Variants in OSBP2 observed in about 807,000 individuals in gnomAD.
OSBP2 encodes oxysterol-binding protein 2.
In OSBP2, 66 loss-of-function variants were observed where a neutral mutation model predicts 96.0. The ratio of observed to expected loss-of-function variants is 0.69; its 90% confidence interval spans 0.56 to 0.84. The LOEUF is 0.84. Among genes scored for constraint, OSBP2 ranks in the 40% least tolerant of loss-of-function variants. OSBP2 has a pLI of 0.00. For missense variants in OSBP2, 1,038 were observed against 1,222.7 expected, an observed-to-expected ratio of 0.85 and a Z score of 2.25; for synonymous variants, 525 against 520.9, an observed-to-expected ratio of 1.01 and a Z score of -0.11.
chr22:30,867,254 A>T (rs1367072935), intron 2 of OSBP2, among the ~76,000 whole-genome samples: 1 of 152,072 alleles, frequency 6.6e-6, no homozygotes, highest in Non-Finnish European at 1.5e-5. Flanking sequence ...GACTGCTGTC[A>T]ACTGCCACAT....
At chr22:30,873,399 C>G (rs971640231) in intron 3 of OSBP2, among the ~76,000 whole-genome samples, 10 of 152,182 alleles carry the variant, frequency 6.6e-5, no homozygotes, top group Non-Finnish European at 1.0e-4. Context: ...AGTGTCTTAC[C>G]TTTCAGCTTC....
At chr22:30,708,778 C>T (rs1202345296) in intron 1 of OSBP2, among the ~76,000 whole-genome samples, 9 of 150,932 alleles carry the variant, frequency 6.0e-5, no homozygotes, top group Non-Finnish European at 8.8e-5. Flanking sequence ...CGTGAGCCAC[C>T]GTGCCCGGCC....
upstream of OSBP2, chr22:30,694,231 G>A (rs2088977132): frequency 1.3e-6 from 2 of 1,549,854 alleles, no homozygotes; most frequent in Non-Finnish European, 1.7e-6. Flanking sequence ...TGTCGTCACT[G>A]GCAGCGAAGC....
intron 2 of OSBP2, among the ~76,000 whole-genome samples, chr22:30,773,470 A>G (rs893312827): frequency 6.6e-6 from 1 of 152,132 alleles, no homozygotes; most frequent in East Asian, 1.9e-4. Context: ...ATTCACCTGT[A>G]CAGTTATTTA....
chr22:30,722,882 T>A (rs1444393055), intron 1 of OSBP2, among the ~76,000 whole-genome samples: 1 of 150,162 alleles, frequency 6.7e-6, no homozygotes, highest in African/African-American at 2.4e-5. Flanking sequence ...CCTTCTGAGC[T>A]CAAGTGATCC....
At chr22:30,831,729 CTG>C (rs1374019340) in intron 2 of OSBP2, among the ~76,000 whole-genome samples, 2 of 152,124 alleles carry the variant, frequency 1.3e-5, no homozygotes, top group Non-Finnish European at 2.9e-5. Flanking sequence ...GCTCACTTGA[CTG>C]TACTGAATCC....
chr22:30,789,464 C>T (rs115077808), intron 2 of OSBP2, among the ~76,000 whole-genome samples: 1 of 152,164 alleles, frequency 6.6e-6, no homozygotes, highest in Non-Finnish European at 1.5e-5. Context: ...AAATTTTCCA[C>T]CATTTCCAGG....
intron 1 of OSBP2, among the ~76,000 whole-genome samples, chr22:30,729,909 G>T (rs1340871670): frequency 6.6e-6 from 1 of 151,972 alleles, no homozygotes; most frequent in Non-Finnish European, 1.5e-5. Context: ...GTTGATTATG[G>T]GTTTCTAGCC....
At chr22:30,846,883 G>A (rs1308361532) in intron 2 of OSBP2, among the ~76,000 whole-genome samples, 6 of 151,996 alleles carry the variant, frequency 3.9e-5, no homozygotes, top group South Asian at 4.2e-4. Flanking sequence ...TTGTTCATGC[G>A]GTATATTGGT....
At chr22:30,730,810 T>TATAA (rs1491091512) in intron 1 of OSBP2, among the ~76,000 whole-genome samples, 5 of 54,770 alleles carry the variant, frequency 9.1e-5, no homozygotes, top group Non-Finnish European at 1.4e-4. Context: ...ATATATATAA[T>TATAA]TTTTTTTTTT....
intron 1 of OSBP2, among the ~76,000 whole-genome samples, chr22:30,703,344 T>G (rs779975950): frequency 6.6e-6 from 1 of 152,048 alleles, no homozygotes; most frequent in Non-Finnish European, 1.5e-5. Context: ...CAGCTAATTT[T>G]TGTATTTTTA....
At chr22:30,750,749 T>C (rs1367669477) in intron 2 of OSBP2, among the ~76,000 whole-genome samples, 5 of 152,236 alleles carry the variant, frequency 3.3e-5, no homozygotes, top group Non-Finnish European at 7.3e-5. Context: ...TTTTTTGTTT[T>C]TGTTTTTGTT....
At position 30,889,218 on chromosome 22, in the gene OSBP2, G is replaced by A; in HGVS notation, c.1460G>A (p.Trp487Ter). 6.2e-7 allele frequency: 1 copy of A among 1,613,484 alleles called. No homozygotes were observed. The highest frequency in any genetic ancestry group is 8.5e-7 in the Non-Finnish European group (1 of 1,179,886). Residue 487 changes from tryptophan (W) to a stop codon, truncating the protein, a stop_gained, in exon 6 of 14, where the codon TGG becomes TAG. Coordinates refer to ENST00000332585, the MANE Select transcript of OSBP2 (RefSeq NM_030758.4). LOFTEE classifies it high-confidence loss of function. ...AGCACCGGGACAAGTTCCGTGGACT[G>A]GAGCTCAGCAGACAATGTAAGTGAG... ...EGSTGTSSVD[W>*]SSADNVLDGA...
At chr22:30,900,420 A>C (rs1169681008) in intron 12 of OSBP2, among the ~76,000 whole-genome samples, 1 of 152,198 alleles carries the variant, frequency 6.6e-6, no homozygotes, top group Admixed American at 6.5e-5. Context: ...AGTATTGTAA[A>C]GATGTCATGA....
chr22:30,791,069 C>T lies in OSBP2; in HGVS notation c.853+49700C>T, dbSNP rs12160298. Among the ~76,000 whole-genome samples the T allele has an allele frequency of 8.8e-4, 133 of 151,184 alleles. 2 individuals are homozygous for T. The highest frequency in any genetic ancestry group is 3.0e-3 in the African/African-American group (122 of 41,156). ...TGTGATCTCGGCTCACGGCAACTTC[C>T]GCCTCCTGGGTTCAAATGATTCTCC... On this transcript the variant is annotated intron_variant, in intron 2 of 13. Transcript: ENST00000332585.
At chr22:30,749,897 C>T (rs552024696) in intron 2 of OSBP2, among the ~76,000 whole-genome samples, 6 of 152,096 alleles carry the variant, frequency 3.9e-5, no homozygotes, top group Admixed American at 3.3e-4. Context: ...CGTGAGCCAC[C>T]GCGCCTGGCC....
chr22:30,858,920 T>G, intron 2 of OSBP2, among the ~76,000 whole-genome samples: 1 of 123,560 alleles, frequency 8.1e-6, no homozygotes. Flanking sequence ...AATAAAAGCA[T>G]TCCCATTCTG....
chr22:30,900,938 A>G (rs73156721), intron 12 of OSBP2, among the ~76,000 whole-genome samples: 1 of 152,264 alleles, frequency 6.6e-6, no homozygotes, highest in East Asian at 1.9e-4. Context: ...CAATTTAAAG[A>G]AAGTGAAAAG....
intron 3 of OSBP2, among the ~76,000 whole-genome samples, chr22:30,886,760 A>C (rs2039818880): frequency 6.6e-6 from 1 of 152,196 alleles, no homozygotes; most frequent in Admixed American, 6.5e-5. Context: ...CAGACGCCTT[A>C]GATAGGAATT....
Sources: allele counts gnomAD v4.1 joint callset (sites outside exome capture counted in the v4.1 genomes callset), GRCh38; gene constraint gnomAD v4.1.1; transcripts MANE v1.5; gene names NCBI Gene and HGNC (gene_info 2026-07-23, HGNC 2026-07-21).